The following ANKRD30BL variants were observed in gnomAD, a reference collection of about 807,000 sequenced individuals.
ANKRD30BL encodes the protein putative ankyrin repeat domain-containing protein 30B-like.
A neutral mutation model predicts 18.4 loss-of-function variants in ANKRD30BL; 20 were observed. The observed-to-expected ratio is 1.09, with a 90% confidence interval of 0.77 to 1.58. The LOEUF is 1.58. Ranked by LOEUF, ANKRD30BL falls within the 40% of genes most tolerant of loss-of-function variation. The pLI, the probability that ANKRD30BL is intolerant of heterozygous loss-of-function variation, is 0.00. For missense variants in ANKRD30BL, 224 were observed against 268.6 expected (o/e 0.83, Z 1.16); for synonymous variants, 72 against 100.9 (o/e 0.71, Z 1.72).
intron 1 of ANKRD30BL, among the ~76,000 whole-genome samples, chr2:132,171,780 G>A (rs1337269208): frequency 2.6e-5 from 4 of 152,040 alleles, no homozygotes; most frequent in South Asian, 4.2e-4. Flanking sequence ...CAGTTCAGAG[G>A]ACATTACATT....
intron 1 of ANKRD30BL, among the ~76,000 whole-genome samples, chr2:132,182,140 T>TA (rs1311988416): frequency 6.6e-6 from 1 of 150,424 alleles, no homozygotes; most frequent in Non-Finnish European, 1.5e-5. Flanking sequence ...AAATAAAAAA[T>TA]AAAAAAATAA....
chr2:132,236,791 C>A (rs201564582), intron 1 of ANKRD30BL, among the ~76,000 whole-genome samples: 1 of 151,808 alleles, frequency 6.6e-6, no homozygotes. Flanking sequence ...ACCCAAAGGA[C>A]TATAAATCAT....
chr2:132,237,806 C>G (rs561382063), intron 1 of ANKRD30BL, among the ~76,000 whole-genome samples: 1 of 152,002 alleles, frequency 6.6e-6, no homozygotes, highest in Non-Finnish European at 1.5e-5. Flanking sequence ...AAAAACTAGA[C>G]AGAAGAATTC....
At chr2:132,248,354 A>G (rs555810883) in intron 1 of ANKRD30BL, among the ~76,000 whole-genome samples, 4 of 152,334 alleles carry the variant, frequency 2.6e-5, no homozygotes, top group African/African-American at 7.2e-5. Flanking sequence ...AAACTGCTCA[A>G]TCGAAAGAAA....
intron 1 of ANKRD30BL, among the ~76,000 whole-genome samples, chr2:132,231,555 T>C (rs1307215496): frequency 6.6e-6 from 1 of 152,154 alleles, no homozygotes; most frequent in Non-Finnish European, 1.5e-5. Context: ...GAGTTCCCTT[T>C]CCGAGTCAAA....
chr2:132,242,390 A>G (rs947393539), intron 1 of ANKRD30BL, among the ~76,000 whole-genome samples: 2 of 151,804 alleles, frequency 1.3e-5, no homozygotes, highest in African/African-American at 2.4e-5. Flanking sequence ...TCTAGACAGA[A>G]GCATTCTCAG....
At chr2:132,254,457 C>G (rs1282394033) in intron 1 of ANKRD30BL, among the ~76,000 whole-genome samples, 1 of 152,252 alleles carries the variant, frequency 6.6e-6, no homozygotes, top group Non-Finnish European at 1.5e-5. Flanking sequence ...GTGGGCTGAC[C>G]CAGCGGGCTG....
chr2:132,200,850 C>G (rs1490525225), intron 1 of ANKRD30BL, among the ~76,000 whole-genome samples: 2 of 152,086 alleles, frequency 1.3e-5, no homozygotes, highest in East Asian at 3.9e-4. Context: ...AATCCTAAGC[C>G]AAAAGAACAA....
In ANKRD30BL at chr2:132,245,023, T is replaced by G. The variant is rs537599837; in HGVS notation, n.441+12506A>C. 2.5e-4 allele frequency among the ~76,000 whole-genome samples: 38 copies of G among 152,404 alleles called. 1 individual carries two copies. The Middle Eastern group carries it at 0.01, about 41-fold the overall frequency. ...CTAAAACTTTCTTTTGATACAGCAG[T>G]TTTTAAACACTGTTCTTGTAGAATT... On this transcript the variant is annotated intron_variant and non_coding_transcript_variant, in intron 1 of 4. Transcript: ENST00000470729.
At chr2:132,198,694 C>T (rs1307888090) in intron 1 of ANKRD30BL, among the ~76,000 whole-genome samples, 1 of 151,148 alleles carries the variant, frequency 6.6e-6, no homozygotes, top group African/African-American at 2.4e-5. Context: ...TCTAGCCTCA[C>T]TTCAACCTCC....
At chr2:132,190,578 G>A (rs1275724532) in intron 1 of ANKRD30BL, among the ~76,000 whole-genome samples, 1 of 151,760 alleles carries the variant, frequency 6.6e-6, no homozygotes, top group Non-Finnish European at 1.5e-5. Context: ...AAGTGGAAAA[G>A]TATACAAATT....
chr2:132,174,100 C>A (rs1053264127), intron 1 of ANKRD30BL, among the ~76,000 whole-genome samples: 2 of 152,286 alleles, frequency 1.3e-5, no homozygotes, highest in Non-Finnish European at 2.9e-5. Flanking sequence ...CTAAAGGGGC[C>A]TTTCATTTGT....
At chr2:132,173,884 A>G (rs181587540) in intron 1 of ANKRD30BL, among the ~76,000 whole-genome samples, 3 of 152,322 alleles carry the variant, frequency 2.0e-5, no homozygotes, top group Admixed American at 1.3e-4. Context: ...TCTTGCTATA[A>G]AGAAGACTCA....
intron 1 of ANKRD30BL, among the ~76,000 whole-genome samples, chr2:132,224,009 T>C (rs1679771663): frequency 6.6e-6 from 1 of 152,080 alleles, no homozygotes; most frequent in Non-Finnish European, 1.5e-5. Flanking sequence ...TTCTTTGTGA[T>C]GTGTACATTC....
At chr2:132,198,295 TCTTTCTTTCTTTCTTTCTTTCTTTCTTTC>T (rs1558928479) in intron 1 of ANKRD30BL, among the ~76,000 whole-genome samples, 66 of 12,796 alleles carry the variant, frequency 5.2e-3, no homozygotes, top group African/African-American at 9.9e-3. Flanking sequence ...TTTCTTTCTT[TCTTTCTTTCTTTCTTTCTTTCTTTCTTTC>T]TTTTTTTTTT....
At position 132,223,117 on chromosome 2, in the gene ANKRD30BL, A is replaced by G. The variant is rs1679740793; in HGVS notation, n.441+34412T>C. On this transcript the variant is annotated intron_variant and non_coding_transcript_variant, in intron 1 of 4. Coordinates refer to the ANKRD30BL transcript ENST00000470729. ...GTTGGAAACGGGAATATATTTACAT[A>G]AAAATTAGACAGCAGCATTCTCATT... is the stretch of plus-strand genomic sequence containing the variant. Among the ~76,000 whole-genome samples, 3 of 152,124 alleles carry G rather than the reference A, an allele frequency of 2.0e-5. No individual in the cohort carries two copies. In the South Asian group the frequency reaches 6.2e-4, roughly 32 times the overall value.
intron 5 of ANKRD30BL, among the ~76,000 whole-genome samples, chr2:132,150,331 A>G (rs1286154515): frequency 1.4e-5 from 2 of 143,940 alleles, no homozygotes; most frequent in African/African-American, 5.6e-5. Flanking sequence ...AGTTTATTTA[A>G]CTGTGTTTCT....
intron 1 of ANKRD30BL, among the ~76,000 whole-genome samples, chr2:132,234,145 A>G (rs1489539074): frequency 6.6e-6 from 1 of 152,206 alleles, no homozygotes; most frequent in East Asian, 1.9e-4. Context: ...CAACATGAAC[A>G]AAGACACAAC....
At chr2:132,222,666 C>G (rs1220190532) in intron 1 of ANKRD30BL, among the ~76,000 whole-genome samples, 1 of 151,576 alleles carries the variant, frequency 6.6e-6, no homozygotes, top group Non-Finnish European at 1.5e-5. Context: ...TCACCACTCC[C>G]TAATCTTAAG....
Sources: allele counts gnomAD v4.1 joint callset (sites outside exome capture counted in the v4.1 genomes callset), GRCh38; gene constraint gnomAD v4.1.1; transcripts MANE v1.5; gene names NCBI Gene and HGNC (gene_info 2026-07-23, HGNC 2026-07-21).